Variants in CDIP1 observed in about 807,000 individuals in gnomAD.
CDIP1 encodes the protein cell death-inducing p53-target protein 1.
Under a neutral mutation model 17.7 loss-of-function variants are expected in CDIP1, and 9 were observed. That is an observed-to-expected ratio of 0.51 (90% CI 0.31 to 0.89). CDIP1 has a LOEUF of 0.89. Ranked by LOEUF, CDIP1 falls within the 40% of genes least tolerant of loss-of-function variation. The probability of loss-of-function intolerance (pLI) is 0.05; values close to 1 mark genes in which losing one functional copy is unlikely to be tolerated. For synonymous variants in CDIP1, 117 were observed against 109.5 expected, an observed-to-expected ratio of 1.07 and a Z score of -0.43; for missense variants, 263 against 277.9, an observed-to-expected ratio of 0.95 and a Z score of 0.38.
chr16:4,535,710 T>C (rs2059099740), intron 1 of CDIP1, among the ~76,000 whole-genome samples: 1 of 152,212 alleles, frequency 6.6e-6, no homozygotes. Context: ...GGAGAAGTGG[T>C]GACCGGGGCC....
At chr16:4,523,347 CTA>C (rs1256265406) in intron 1 of CDIP1, among the ~76,000 whole-genome samples, 1 of 152,134 alleles carries the variant, frequency 6.6e-6, no homozygotes, top group Non-Finnish European at 1.5e-5. Flanking sequence ...AACCCCGTCT[CTA>C]CTAAAAATAC....
chr16:4,525,273 G>C (rs768227568), intron 1 of CDIP1, among the ~76,000 whole-genome samples: 12 of 152,206 alleles, frequency 7.9e-5, no homozygotes, highest in Non-Finnish European at 1.5e-4. Context: ...GGCTGGAGCA[G>C]ATGCTTCCGT....
At chr16:4,533,198 G>A (rs949394506) in intron 1 of CDIP1, 1 of 152,294 alleles carries the variant, frequency 6.6e-6, no homozygotes, top group South Asian at 2.1e-4. Flanking sequence ...GAGAAAAGGT[G>A]AGGCCTGTCA....
chr16:4,514,286 C>T lies in CDIP1; in HGVS notation c.-14-142G>A, dbSNP rs1025011780. 1.8e-6 allele frequency: 1 copy of T among 566,030 alleles called. No individual in the cohort carries two copies. The highest frequency in any genetic ancestry group is 3.1e-6 in the Non-Finnish European group (1 of 320,474). 35.1% of individuals were successfully genotyped at this position (566,030 alleles called of 1,614,324 possible). A position where few individuals can be genotyped will look rare whatever the true frequency, so the allele number is the denominator to read the frequency against. On this transcript the variant is annotated intron_variant, in intron 2 of 5. Transcript: ENST00000567695. The surrounding 1 kb of genome is among the most constrained non-coding windows in gnomAD (Gnocchi z 5.2). ...CTGCCTCCAGGCACTGGGGATCCCCCACCTTTCCCAGGGCCACCTAGCCCA... is the reference window on the plus strand; with the variant it reads ...CTGCCTCCAGGCACTGGGGATCCCCTACCTTTCCCAGGGCCACCTAGCCCA...
intron 1 of CDIP1, among the ~76,000 whole-genome samples, chr16:4,521,539 G>A (rs2058948317): frequency 6.6e-6 from 1 of 152,022 alleles, no homozygotes; most frequent in African/African-American, 2.4e-5. Flanking sequence ...CCACCCGGTG[G>A]AAGGCTTTAA....
In CDIP1 at chr16:4,511,302, G is replaced by A. The variant is rs572928831; in HGVS notation, c.*1270C>T. 6.5e-6 allele frequency: 1 copy of A among 152,720 alleles called. No homozygotes were observed. The highest frequency in any genetic ancestry group is 1.5e-5 in the Non-Finnish European group (1 of 68,146). The allele number at this position is 152,720 out of a possible 1,614,324, so 9.5% of individuals were successfully genotyped here. On this transcript the variant is annotated 3_prime_UTR_variant, in exon 6 of 6. Coordinates refer to ENST00000567695, the MANE Select transcript of CDIP1 (RefSeq NM_013399.3). Reference sequence around the variant, plus strand: ...TTTCCCTCAAAAAAGAAGGAAGCCAGGCAAGAGAGCAGAGGCCCAGGGCGG... The same window carrying A: ...TTTCCCTCAAAAAAGAAGGAAGCCAAGCAAGAGAGCAGAGGCCCAGGGCGG...
chr16:4,514,866 G>C lies in CDIP1; in HGVS notation c.-104-202C>G, dbSNP rs2058873168. 6.5e-6 allele frequency: 1 copy of C among 152,710 alleles called. No individual in the cohort carries two copies. The highest frequency in any genetic ancestry group is 2.4e-5 in the African/African-American group (1 of 41,392). 9.5% of individuals were successfully genotyped at this position (152,710 alleles called of 1,614,324 possible). A position where few individuals can be genotyped will look rare whatever the true frequency, so the allele number is the denominator to read the frequency against. On this transcript the variant is annotated intron_variant, in intron 1 of 5. Coordinates refer to ENST00000567695, the MANE Select transcript of CDIP1 (RefSeq NM_013399.3). The surrounding 1 kb of genome is among the most constrained non-coding windows in gnomAD (Gnocchi z 5.2). ...GCAGGTCTGCTTCCTCCCTCCCCCA[G>C]GACTGCTGGCACCCAAGGGCCACGG...
At position 4,510,718 on chromosome 16, in the gene CDIP1, A is replaced by AT. The variant is rs1048752034; in HGVS notation, c.*1853dup. On this transcript the variant is annotated 3_prime_UTR_variant, in exon 6 of 6. Coordinates refer to ENST00000567695, the MANE Select transcript of CDIP1 (RefSeq NM_013399.3). ...TAAAAGAGAAACATGAACTTAAATA[A>AT]TTTTATTAATAGGAATCTACTACCT... is the stretch of plus-strand genomic sequence containing the variant. 9 of 152,340 alleles carry AT rather than the reference A, an allele frequency of 5.9e-5. No homozygotes were observed. Among genetic ancestry groups the AT allele is most frequent in the African/African-American group, 2.2e-4 (9 of 41,588 alleles). The allele number at this position is 152,340 out of a possible 1,614,324, so 9.4% of individuals were successfully genotyped here.
chr16:4,537,898 C>T (rs2059125771), intron 1 of CDIP1, among the ~76,000 whole-genome samples: 1 of 152,262 alleles, frequency 6.6e-6, no homozygotes, highest in South Asian at 2.1e-4. Flanking sequence ...CCGTCGCCAT[C>T]TCCGCCGGGG....
At chr16:4,530,388 G>T (rs539959334) in intron 1 of CDIP1, among the ~76,000 whole-genome samples, 1 of 152,290 alleles carries the variant, frequency 6.6e-6, no homozygotes, top group African/African-American at 2.4e-5. Context: ...AGTGGCTCAC[G>T]CCTGTAATCC....
At chr16:4,527,153 T>C (rs552332300) in intron 1 of CDIP1, among the ~76,000 whole-genome samples, 3 of 151,556 alleles carry the variant, frequency 2.0e-5, no homozygotes, top group African/African-American at 4.8e-5. Context: ...AGTGGCGGGA[T>C]CTTGGCTCAC....
At chr16:4,529,559 C>CA (rs1436511373) in intron 1 of CDIP1, among the ~76,000 whole-genome samples, 1 of 152,202 alleles carries the variant, frequency 6.6e-6, no homozygotes, top group Non-Finnish European at 1.5e-5. Flanking sequence ...AGCTCAACCA[C>CA]AAGTGAATAA....
At chr16:4,516,856 C>G (rs3761681) in intron 1 of CDIP1, among the ~76,000 whole-genome samples, 15 of 151,794 alleles carry the variant, frequency 9.9e-5, no homozygotes, top group Admixed American at 7.2e-4. Flanking sequence ...TACAGGCACA[C>G]GGCACCACGA....
At chr16:4,520,642 G>T (rs747856142) in intron 1 of CDIP1, among the ~76,000 whole-genome samples, 1 of 152,008 alleles carries the variant, frequency 6.6e-6, no homozygotes, top group Non-Finnish European at 1.5e-5. Flanking sequence ...AAATCACATT[G>T]CTGGTATCAC....
chr16:4,513,629 C>G lies in CDIP1; in HGVS notation c.241+67G>C, dbSNP rs778927443. 28 of 1,431,496 alleles carry G rather than the reference C, an allele frequency of 2.0e-5. No homozygotes were observed. The highest frequency in any genetic ancestry group is 2.7e-5 in the Non-Finnish European group (28 of 1,029,238). 88.7% of individuals were successfully genotyped at this position (1,431,496 alleles called of 1,614,324 possible). A position where few individuals can be genotyped will look rare whatever the true frequency, so the allele number is the denominator to read the frequency against. On this transcript the variant is annotated intron_variant, in intron 4 of 5. Coordinates refer to ENST00000567695, the MANE Select transcript of CDIP1 (RefSeq NM_013399.3). The surrounding 1 kb of genome is among the most constrained non-coding windows in gnomAD (Gnocchi z 4.1). The stretch of plus-strand genomic sequence containing the variant: ...AGCAGATGCCCACCTGTACTGAGGA[C>G]AGCCAGCGCAGGCCAGACAGCAGCC...
intron 1 of CDIP1, among the ~76,000 whole-genome samples, chr16:4,538,108 G>A (rs970460180): frequency 6.6e-6 from 1 of 152,148 alleles, no homozygotes; most frequent in African/African-American, 2.4e-5. Flanking sequence ...CTGCAAGACG[G>A]AGATGGCAAT....
Position 4,537,454 on chromosome 16 carries a change from C to G in CDIP1, c.-105+1248G>C, listed in dbSNP as rs541212582. On this transcript the variant is annotated intron_variant, in intron 1 of 5. Coordinates refer to ENST00000567695, the MANE Select transcript of CDIP1 (RefSeq NM_013399.3). ...CACCCAGTTCTACCTAGATCGGCCC[C>G]AAGGGAAGCAGCAAAGAACCCAGGA... Among the ~76,000 whole-genome samples, 5 of 152,300 alleles carry G rather than the reference C, an allele frequency of 3.3e-5. 1 individual carries two copies. In the South Asian group the frequency reaches 1.0e-3, roughly 32 times the overall value.
intron 1 of CDIP1, among the ~76,000 whole-genome samples, chr16:4,536,025 C>G (rs1380675993): frequency 1.3e-5 from 2 of 152,236 alleles, no homozygotes; most frequent in African/African-American, 4.8e-5. Context: ...GGCTCTCTCT[C>G]TCCATCCTCC....
chr16:4,512,725 G>C lies in CDIP1; in HGVS notation c.516-42C>G. 2 of 1,604,640 alleles carry C rather than the reference G, an allele frequency of 1.2e-6. No individual in the cohort carries two copies. The highest frequency in any genetic ancestry group is 1.7e-5 in the Admixed American group (1 of 59,632). On this transcript the variant is annotated intron_variant, in intron 5 of 5. Transcript: ENST00000567695. The surrounding 1 kb of genome is among the most constrained non-coding windows in gnomAD (Gnocchi z 4.6). The stretch of plus-strand genomic sequence containing the variant: ...GAAGAACAGGCTGAGGCCTGCTGCG[G>C]AGGAGGCAGAGGCAGCCAGTTGACC...
Sources: gnomAD v4.1 joint callset for allele counts (sites outside exome capture counted in the v4.1 genomes callset) on GRCh38, gnomAD v4.1.1 for gene constraint, Gnocchi (gnomAD v3.1) non-coding constraint, MANE v1.5 for transcripts, NCBI Gene and HGNC (gene_info 2026-07-23, HGNC 2026-07-21) for gene names.